The following PLCB4 variants were observed in gnomAD, a reference collection of about 807,000 sequenced individuals.
PLCB4 encodes 1-phosphatidylinositol 4,5-bisphosphate phosphodiesterase beta-4.
A neutral mutation model predicts 178.8 loss-of-function variants in PLCB4; 77 were observed. The observed-to-expected ratio is 0.43, with a 90% CI of 0.36 to 0.52. The LOEUF (loss-of-function observed/expected upper bound fraction) is 0.52. Ranked by LOEUF, PLCB4 falls within the 20% of genes least tolerant of loss-of-function variation. The pLI, the probability that PLCB4 is intolerant of heterozygous loss-of-function variation, is 0.00. For synonymous variants in PLCB4, 496 were observed against 490.8 expected (o/e 1.01, Z -0.14); for missense variants, 1,024 against 1,453.4 (o/e 0.70, Z 4.80).
At chr20:9,258,089 A>C (rs1012225490) in intron 3 of PLCB4, among the ~76,000 whole-genome samples, 3 of 152,156 alleles carry the variant, frequency 2.0e-5, no homozygotes, top group African/African-American at 7.2e-5. Flanking sequence ...CTTCTAATAG[A>C]GGGGAAAAAA....
chr20:9,452,737 C>T (rs555133629), intron 32 of PLCB4, among the ~76,000 whole-genome samples: 2 of 152,266 alleles, frequency 1.3e-5, no homozygotes, highest in East Asian at 1.9e-4. Context: ...AGCTCCTGAA[C>T]ACTTTATCCT....
chr20:9,240,536 T>A (rs902135820), intron 3 of PLCB4, among the ~76,000 whole-genome samples: 1 of 152,166 alleles, frequency 6.6e-6, no homozygotes, highest in Non-Finnish European at 1.5e-5. Flanking sequence ...TTTTCCTAAC[T>A]ATTATTGTGT....
At chr20:9,237,313 A>G (rs1398617979) in intron 3 of PLCB4, among the ~76,000 whole-genome samples, 1 of 151,460 alleles carries the variant, frequency 6.6e-6, no homozygotes, top group African/African-American at 2.4e-5. Flanking sequence ...CCACACCCCC[A>G]TATATCCTAA....
intron 3 of PLCB4, among the ~76,000 whole-genome samples, chr20:9,279,690 A>G (rs2094477692): frequency 1.3e-5 from 2 of 152,046 alleles, no homozygotes; most frequent in African/African-American, 4.8e-5. Flanking sequence ...AGATATTTTA[A>G]AAATTAGACC....
At chr20:9,477,016 A>G (rs190788596) in intron 39 of PLCB4, among the ~76,000 whole-genome samples, 148 of 152,350 alleles carry the variant, frequency 9.7e-4, no homozygotes, top group Non-Finnish European at 1.9e-3. Flanking sequence ...GGTAATAAAG[A>G]CATAACCAGA....
intron 4 of PLCB4, among the ~76,000 whole-genome samples, chr20:9,309,040 A>C (rs1337207475): frequency 6.6e-6 from 1 of 151,738 alleles, no homozygotes; most frequent in Non-Finnish European, 1.5e-5. Flanking sequence ...CATGGTTGAG[A>C]TCATAGAGTA....
Position 9,327,246 on chromosome 20 carries a change from C to G in PLCB4, c.85-9880C>G, listed in dbSNP as rs551897418. 5.3e-5 allele frequency among the ~76,000 whole-genome samples: 8 copies of G among 151,114 alleles called. No homozygotes were observed. The South Asian group carries it at 8.4e-4, about 16-fold the overall frequency. On this transcript the variant is annotated intron_variant, in intron 4 of 39. Coordinates refer to ENST00000378473, the MANE Select transcript of PLCB4 (RefSeq NM_001377142.1). ...TTGAAGCCAGGAGTTCGAGTTCAGC[C>G]TGGACAACATAGCGAAACTCTGTCT...
chr20:9,197,272 C>A (rs1601075874), intron 2 of PLCB4, among the ~76,000 whole-genome samples: 1 of 152,254 alleles, frequency 6.6e-6, no homozygotes, highest in East Asian at 1.9e-4. Flanking sequence ...TAAGCAATTC[C>A]ACAGATTCTT....
At chr20:9,101,979 G>A (rs1179906186) in intron 2 of PLCB4, among the ~76,000 whole-genome samples, 2 of 151,916 alleles carry the variant, frequency 1.3e-5, no homozygotes, top group East Asian at 1.9e-4. Context: ...TGTGTAGCTG[G>A]GATTATCGGT....
chr20:9,443,410 C>G (rs193225158), intron 30 of PLCB4, among the ~76,000 whole-genome samples: 1 of 152,328 alleles, frequency 6.6e-6, no homozygotes, highest in Admixed American at 6.5e-5. Flanking sequence ...GGTTCACTAT[C>G]CCATCTCACA....
At chr20:9,234,495 T>C (rs973571818) in intron 3 of PLCB4, among the ~76,000 whole-genome samples, 7 of 151,964 alleles carry the variant, frequency 4.6e-5, no homozygotes, top group African/African-American at 1.7e-4. Context: ...GTGGGTGAGG[T>C]CAGGAAAAAC....
At chr20:9,295,034 C>T (rs916028847) in intron 3 of PLCB4, among the ~76,000 whole-genome samples, 2 of 152,222 alleles carry the variant, frequency 1.3e-5, no homozygotes, top group South Asian at 4.2e-4. Context: ...ACTCTGGAAC[C>T]CCAGGACTTT....
chr20:9,191,310 G>A (rs1163106280), intron 2 of PLCB4, among the ~76,000 whole-genome samples: 1 of 144,132 alleles, frequency 6.9e-6, no homozygotes, highest in Non-Finnish European at 1.5e-5. Flanking sequence ...TAGGACTAGT[G>A]ACCTTATAAA....
chr20:9,375,925 GGT>G (rs901256125), intron 12 of PLCB4, among the ~76,000 whole-genome samples: 6 of 152,086 alleles, frequency 3.9e-5, no homozygotes, highest in African/African-American at 1.4e-4. Flanking sequence ...AAGACATGCT[GGT>G]TCCTACCACC....
intron 30 of PLCB4, 89 bp from the exon 31 acceptor site, chr20:9,443,892 A>G: frequency 1.3e-6 from 1 of 745,120 alleles, no homozygotes; most frequent in South Asian, 1.8e-5. Flanking sequence ...AAGTCTTTCG[A>G]TGAGATTTCG....
At chr20:9,098,055 A>G (rs920849634) in intron 2 of PLCB4, among the ~76,000 whole-genome samples, 1 of 152,232 alleles carries the variant, frequency 6.6e-6, no homozygotes, top group African/African-American at 2.4e-5. Context: ...ATTGGAGTTC[A>G]AAAACCTGCT....
intron 2 of PLCB4, among the ~76,000 whole-genome samples, chr20:9,156,663 A>C (rs903009310): frequency 6.6e-6 from 1 of 152,290 alleles, no homozygotes; most frequent in South Asian, 2.1e-4. Context: ...CAATTTACAT[A>C]GCTATTTCTT....
intron 27 of PLCB4, among the ~76,000 whole-genome samples, chr20:9,422,255 A>C (rs1325434573): frequency 6.6e-6 from 1 of 152,186 alleles, no homozygotes; most frequent in Non-Finnish European, 1.5e-5. Context: ...TTCCTTAACA[A>C]AATAGGGATT....
intron 17 of PLCB4, among the ~76,000 whole-genome samples, chr20:9,392,597 T>C (rs2038234665): frequency 6.6e-6 from 1 of 151,990 alleles, no homozygotes; most frequent in African/African-American, 2.4e-5. Context: ...GAAGCATGGG[T>C]AATATAAATG....
Sources: gnomAD v4.1 joint callset for allele counts (sites outside exome capture counted in the v4.1 genomes callset) on GRCh38, gnomAD v4.1.1 for gene constraint, MANE v1.5 for transcripts, NCBI Gene and HGNC (gene_info 2026-07-23, HGNC 2026-07-21) for gene names.